The following CYS1 variants were observed in gnomAD, a reference collection of about 807,000 sequenced individuals.
The protein encoded by CYS1 is cystin-1.
CYS1 carries 5 observed loss-of-function variants against 9.6 expected under a neutral mutation model. That is an observed-to-expected ratio of 0.52 (90% CI 0.27 to 1.10). The LOEUF (loss-of-function observed/expected upper bound fraction) is 1.10. Among genes scored for constraint, CYS1 ranks in the 50% least tolerant of loss-of-function variants. The pLI is 0.11. For missense variants in CYS1, 221 were observed against 207.9 expected (o/e 1.06, Z -0.39); for synonymous variants, 88 against 95.7 (o/e 0.92, Z 0.47).
intron 1 of CYS1, among the ~76,000 whole-genome samples, chr2:10,073,530 C>A (rs1558360657): frequency 6.6e-6 from 1 of 152,214 alleles, no homozygotes; most frequent in Non-Finnish European, 1.5e-5. Flanking sequence ...AAAGAAATGA[C>A]AGCTGTCTGG....
chr2:10,075,750 T>C (rs558492203), intron 1 of CYS1, among the ~76,000 whole-genome samples: 1 of 152,296 alleles, frequency 6.6e-6, no homozygotes, highest in East Asian at 1.9e-4. Flanking sequence ...ACAGAGTCCC[T>C]CAGCCTAAGG....
At chr2:10,075,367 C>T (rs1022864867) in intron 1 of CYS1, among the ~76,000 whole-genome samples, 1 of 152,232 alleles carries the variant, frequency 6.6e-6, no homozygotes, top group Non-Finnish European at 1.5e-5. Context: ...CACCCCTTCC[C>T]AACACGGTTA....
Position 10,058,812 on chromosome 2 carries a change from C to A in CYS1, c.*41G>T. The A allele has an allele frequency of 6.6e-7, 1 of 1,505,584 alleles. No homozygotes were observed. The allele number at this position is 1,505,584 out of a possible 1,614,324, so 93.3% of individuals were successfully genotyped here. A position where few individuals can be genotyped will look rare whatever the true frequency, so the allele number is the denominator to read the frequency against. On this transcript the variant is annotated 3_prime_UTR_variant, in exon 3 of 3. Transcript: ENST00000381813. ...TGCAAGCAGAGGGTGCCCCAGCCAG[C>A]AGGTGCCTCCGAGGCCTGGCGGGGG...
At position 10,080,090 on chromosome 2, in the gene CYS1, A is replaced by G. The variant is rs916171491; in HGVS notation, c.134T>C (p.Val45Ala). Residue 45 changes from valine (V) to alanine (A), a missense_variant, in exon 1 of 3, where the codon GTC becomes GCC. Coordinates refer to ENST00000381813, the MANE Select transcript of CYS1 (RefSeq NM_001037160.3). The surrounding 1 kb of genome is among the most constrained non-coding windows in gnomAD (Gnocchi z 6.4). ...RRRVPVAAAEVPGAAAEEAPG... is the reference protein window; with the variant it reads ...RRRVPVAAAEAPGAAAEEAPG... Reference sequence around the variant, plus strand: ...CGCCTCCTCCGCGGCTGCCCCCGGGACCTCGGCCGCCGCCACCGGCACCCG... The same window carrying G: ...CGCCTCCTCCGCGGCTGCCCCCGGGGCCTCGGCCGCCGCCACCGGCACCCG... 9.8e-7 allele frequency: 1 copy of G among 1,025,596 alleles called. No individual in the cohort carries two copies. Among genetic ancestry groups the G allele is most frequent in the South Asian group, 4.3e-5 (1 of 23,076 alleles). 63.5% of individuals were successfully genotyped at this position (1,025,596 alleles called of 1,614,324 possible).
rs72786623 is a variant in CYS1, at chr2:10,058,070, G to C, written c.*783C>G. On this transcript the variant is annotated 3_prime_UTR_variant, in exon 3 of 3. Coordinates refer to ENST00000381813, the MANE Select transcript of CYS1 (RefSeq NM_001037160.3). The stretch of plus-strand genomic sequence containing the variant: ...CTGGGCGCTGGCTCCCCGCAGGGAA[G>C]GCACTGCTGTGCCTGGGGCAGGGGA... 0.17 allele frequency: 25,408 copies of C among 152,322 alleles called. 2,563 individuals carry two copies. The highest frequency in any genetic ancestry group is 0.31 in the Middle Eastern group (93 of 296). 9.4% of individuals were successfully genotyped at this position (152,322 alleles called of 1,614,324 possible).
intron 1 of CYS1, among the ~76,000 whole-genome samples, chr2:10,072,496 T>A (rs1661781357): frequency 1.3e-5 from 2 of 152,258 alleles, no homozygotes; most frequent in African/African-American, 4.8e-5. Context: ...TTTTAGCAGC[T>A]TAATATGTAT....
At chr2:10,070,691 CT>C (rs1186797373) in intron 1 of CYS1, among the ~76,000 whole-genome samples, 1 of 152,100 alleles carries the variant, frequency 6.6e-6, no homozygotes, top group African/African-American at 2.4e-5. Flanking sequence ...GTTGCCCAGG[CT>C]GGAGTGCGGT....
At position 10,080,249 on chromosome 2, in the gene CYS1, C is replaced by A; in HGVS notation, c.-26G>T. 1 of 1,039,202 alleles carries A rather than the reference C, an allele frequency of 9.6e-7. No homozygotes were observed. The highest frequency in any genetic ancestry group is 8.4e-5 in the East Asian group (1 of 11,866). 64.4% of individuals were successfully genotyped at this position (1,039,202 alleles called of 1,614,324 possible). A position where few individuals can be genotyped will look rare whatever the true frequency, so the allele number is the denominator to read the frequency against. On this transcript the variant is annotated 5_prime_UTR_variant, in exon 1 of 3. Coordinates refer to ENST00000381813, the MANE Select transcript of CYS1 (RefSeq NM_001037160.3). The surrounding 1 kb of genome is among the most constrained non-coding windows in gnomAD (Gnocchi z 6.4). ...GGCGCGCCCGCCGCCTCCCGGACCG[C>A]CGAGGGGGCCCCCATGAGGGGGCGC...
intron 2 of CYS1, among the ~76,000 whole-genome samples, chr2:10,061,989 T>A (rs1661635095): frequency 6.6e-6 from 1 of 151,744 alleles, no homozygotes; most frequent in African/African-American, 2.4e-5. Context: ...AGGTTTTCCA[T>A]CAGCAGGGAC....
At chr2:10,078,859 G>A (rs1055185744) in intron 1 of CYS1, among the ~76,000 whole-genome samples, 2 of 152,108 alleles carry the variant, frequency 1.3e-5, no homozygotes, top group Admixed American at 6.6e-5. Context: ...CAAATCAGAG[G>A]GCACAACATT....
At chr2:10,067,447 G>A (rs1047681681) in intron 1 of CYS1, among the ~76,000 whole-genome samples, 1 of 104,756 alleles carries the variant, frequency 9.5e-6, no homozygotes, top group Non-Finnish European at 1.8e-5. Context: ...TTGCTGTGTT[G>A]CCCAGACTGG....
In CYS1 at chr2:10,063,951, A is replaced by G. The variant is rs1383086842; in HGVS notation, c.371+1953T>C. On this transcript the variant is annotated intron_variant, in intron 2 of 2. Transcript: ENST00000381813. This position sits in a 1 kb window ranked among gnomAD's most constrained non-coding sequence, Gnocchi z 4.2. ...TATACTGAATGAAAAGGCTGGGTGCAGTGGCTCACGCCCATAATCCCAGCA... is the reference window on the plus strand; with the variant it reads ...TATACTGAATGAAAAGGCTGGGTGCGGTGGCTCACGCCCATAATCCCAGCA... Among the ~76,000 whole-genome samples the G allele has an allele frequency of 3.3e-5, 5 of 152,224 alleles. No individual in the cohort carries two copies. The highest frequency in any genetic ancestry group is 9.6e-5 in the African/African-American group (4 of 41,466).
chr2:10,069,339 G>A (rs1661734598), intron 1 of CYS1, among the ~76,000 whole-genome samples: 2 of 152,072 alleles, frequency 1.3e-5, no homozygotes, highest in African/African-American at 4.8e-5. Flanking sequence ...TACCCTTTCT[G>A]GAGGAAAAAA....
chr2:10,080,175 T>A lies in CYS1; in HGVS notation c.49A>T (p.Ser17Cys). The A allele has an allele frequency of 9.4e-7, 1 of 1,067,724 alleles. No individual in the cohort carries two copies. Among genetic ancestry groups the A allele is most frequent in the South Asian group, 3.6e-5 (1 of 27,486 alleles). The allele number at this position is 1,067,724 out of a possible 1,614,324, so 66.1% of individuals were successfully genotyped here. Residue 17 changes from serine (S) to cysteine (C), a missense_variant, in exon 1 of 3, where the codon AGC (serine) becomes TGC (cysteine). Transcript: ENST00000381813. This position sits in a 1 kb window ranked among gnomAD's most constrained non-coding sequence, Gnocchi z 6.4. The stretch of plus-strand genomic sequence containing the variant: ...GGCCCCGCGGGGAGGCTCTCGGGGC[T>A]GCGCCGCCGCCTCAGAGTCCGGCTG... ...RSSRTLRRRR[S>C]PESLPAGPGA...
At chr2:10,062,684 T>C (rs1361504334) in intron 2 of CYS1, among the ~76,000 whole-genome samples, 1 of 152,214 alleles carries the variant, frequency 6.6e-6, no homozygotes. Context: ...ATTATAGGTA[T>C]GAGCCACTGC....
At chr2:10,077,684 C>G (rs373413392) in intron 1 of CYS1, among the ~76,000 whole-genome samples, 11 of 151,812 alleles carry the variant, frequency 7.2e-5, no homozygotes, top group Admixed American at 5.2e-4. Context: ...AATTAGCTGG[C>G]CGTGGTGGCG....
rs949010845 is a variant in CYS1, at chr2:10,058,764, G to A, written c.*89C>T. The A allele has an allele frequency of 5.1e-6, 6 of 1,180,108 alleles. No homozygotes were observed. In the South Asian group the frequency reaches 7.2e-5, roughly 14 times the overall value. The allele number at this position is 1,180,108 out of a possible 1,614,324, so 73.1% of individuals were successfully genotyped here. On this transcript the variant is annotated 3_prime_UTR_variant, in exon 3 of 3. Coordinates refer to ENST00000381813, the MANE Select transcript of CYS1 (RefSeq NM_001037160.3). ...CGGGAGTGACTGCGTTTTGGAGGTG[G>A]TTCAGCTCCTGCTAGAGCTCTGTGC...
At chr2:10,071,155 C>T (rs1204836156) in intron 1 of CYS1, among the ~76,000 whole-genome samples, 2 of 152,158 alleles carry the variant, frequency 1.3e-5, no homozygotes, top group South Asian at 2.1e-4. Flanking sequence ...TTAGTAGATA[C>T]GGGGTTTCAC....
At chr2:10,073,346 G>T (rs1558360610) in intron 1 of CYS1, among the ~76,000 whole-genome samples, 1 of 152,130 alleles carries the variant, frequency 6.6e-6, no homozygotes, top group African/African-American at 2.4e-5. Context: ...CTGGACTCAG[G>T]GTCTGAGAGA....
Sources: gnomAD v4.1 joint callset for allele counts (sites outside exome capture counted in the v4.1 genomes callset) on GRCh38, gnomAD v4.1.1 for gene constraint, Gnocchi (gnomAD v3.1) non-coding constraint, MANE v1.5 for transcripts, NCBI Gene and HGNC (gene_info 2026-07-23, HGNC 2026-07-21) for gene names.